PSMC3IP: variants seen among roughly 807,000 people sequenced by gnomAD.
The protein encoded by PSMC3IP is homologous-pairing protein 2 homolog.
A neutral mutation model predicts 34.9 loss-of-function variants in PSMC3IP; 26 were observed. The observed-to-expected ratio is 0.74, with a 90% CI of 0.55 to 1.03. The LOEUF is 1.03. Ranked by LOEUF, PSMC3IP falls within the 50% of genes least tolerant of loss-of-function variation. The pLI, the probability that PSMC3IP is intolerant of heterozygous loss-of-function variation, is 0.00. For synonymous variants in PSMC3IP, 87 were observed against 96.5 expected, an observed-to-expected ratio of 0.90 and a Z score of 0.57; for missense variants, 250 against 263.1, an observed-to-expected ratio of 0.95 and a Z score of 0.34.
rs1380170622 is a variant in PSMC3IP at position 42,572,605 on chromosome 17, C to T, written c.*363G>A. 1 of 452,320 alleles carries T rather than the reference C, an allele frequency of 2.2e-6. No homozygotes were observed. Among genetic ancestry groups the T allele is most frequent in the Non-Finnish European group, 4.4e-6 (1 of 225,858 alleles). 28.0% of individuals were successfully genotyped at this position (452,320 alleles called of 1,614,324 possible). On this transcript the variant is annotated 3_prime_UTR_variant, in exon 8 of 8. Transcript: ENST00000393795. ...TCTCTACCCTAGTTCTCCAAATTCA[C>T]TTCTGCCTTCCTCAGGTTTGATATC...
Position 42,577,522 on chromosome 17 carries a change from C to G in PSMC3IP, c.74G>C (p.Arg25Pro), listed in dbSNP as rs368227830. 63 of 1,614,024 alleles carry G rather than the reference C, an allele frequency of 3.9e-5. No homozygotes were observed. The highest frequency in any genetic ancestry group is 5.2e-5 in the Non-Finnish European group (61 of 1,180,036). ...GAACACATCCTGGGAGCTGTAGGGC[C>G]GGTTCTGCTCCTGCAGGTACCTCAG... ...ILLRYLQEQN[R>P]PYSSQDVFGN... The change falls in exon 2 of 8, where the codon CGG (arginine) becomes CCG (proline). Residue 25 changes from arginine to proline, a missense_variant. Physicochemically the swap from Arg to Pro is moderately radical, Grantham distance 103. Transcript: ENST00000393795.
intron 3 of PSMC3IP, among the ~76,000 whole-genome samples, chr17:42,575,526 G>A (rs1305797891): frequency 3.3e-5 from 5 of 152,174 alleles, no homozygotes; most frequent in Non-Finnish European, 7.3e-5. Context: ...GTAACACAAT[G>A]CAGCCTGTTT....
intron 6 of PSMC3IP, 54 bp from the exon 7 acceptor site, chr17:42,573,220 G>A (rs1227350615): frequency 3.7e-6 from 6 of 1,613,948 alleles, no homozygotes; most frequent in African/African-American, 1.3e-5. Flanking sequence ...GGCACTGCCT[G>A]TCAGTTTATG....
At chr17:42,577,609 C>T (rs768052507) in intron 1 of PSMC3IP, 44 bp downstream of exon 1, 2 of 1,614,174 alleles carry the variant, frequency 1.2e-6, no homozygotes, top group East Asian at 2.2e-5. Flanking sequence ...GACCTCCTCA[C>T]CCACTGCCCT....
At chr17:42,576,985 A>G (rs1416127381) in intron 3 of PSMC3IP, 9 of 1,057,538 alleles carry the variant, frequency 8.5e-6, no homozygotes, top group Non-Finnish European at 1.2e-5. Flanking sequence ...GCGGAAATGG[A>G]TCTTGGTAGC....
At position 42,573,110 on chromosome 17, in the gene PSMC3IP, G is replaced by T. The variant is rs1391331865; in HGVS notation, c.594C>A (p.Phe198Leu). Residue 198 changes from phenylalanine to leucine, a missense_variant, in exon 7 of 8, where the codon TTC becomes TTA. Coordinates refer to ENST00000393795, the MANE Select transcript of PSMC3IP (RefSeq NM_016556.4). ...GAAGGAAGAGAGCTCCACTTACAAAGAACTGCTTCTTGCTCTTGGGGTATC... is the reference window on the plus strand; with the variant it reads ...GAAGGAAGAGAGCTCCACTTACAAATAACTGCTTCTTGCTCTTGGGGTATC... ...LEGYPKSKKQ[F>L]FEEVGIETDE... The T allele has an allele frequency of 1.2e-6, 2 of 1,614,242 alleles. No homozygotes were observed. Among genetic ancestry groups the T allele is most frequent in the Non-Finnish European group, 1.7e-6 (2 of 1,180,030 alleles).
rs547696641 is a variant in PSMC3IP at position 42,575,297 on chromosome 17, CAT to C, written c.226-1089_226-1088del. Among the ~76,000 whole-genome samples, 574 of 152,306 alleles carry C rather than the reference CAT, an allele frequency of 3.8e-3. 5 individuals are homozygous for C. The highest frequency in any genetic ancestry group is 0.013 in the African/African-American group (557 of 41,562). The stretch of plus-strand genomic sequence containing the variant: ...CCAGCAAGCCAAATCCTGCCAGATG[CAT>C]GTTTTTGAAAACAAAATTTTATTGA... On this transcript the variant is annotated intron_variant, in intron 3 of 7. Coordinates refer to ENST00000393795, the MANE Select transcript of PSMC3IP (RefSeq NM_016556.4).
In PSMC3IP at chr17:42,572,821, T is replaced by C. The variant is rs764373882; in HGVS notation, c.*147A>G. On this transcript the variant is annotated 3_prime_UTR_variant, in exon 8 of 8. Transcript: ENST00000393795. ...CCCTCATCCTCTCTACCCAGTGCTC[T>C]GGTTTATGCTTGTCTCCTGACTGCT... The C allele has an allele frequency of 1.1e-6, 1 of 949,348 alleles. No homozygotes were observed. The highest frequency in any genetic ancestry group is 1.4e-5 in the South Asian group (1 of 73,180). The allele number at this position is 949,348 out of a possible 1,614,324, so 58.8% of individuals were successfully genotyped here. A position where few individuals can be genotyped will look rare whatever the true frequency, so the allele number is the denominator to read the frequency against.
At chr17:42,574,483 A>G in intron 3 of PSMC3IP, 1 of 946,760 alleles carries the variant, frequency 1.1e-6, no homozygotes, top group Non-Finnish European at 1.4e-6. Flanking sequence ...AAATCTTCCC[A>G]TTTAGTGATA....
At chr17:42,573,766 T>C (rs1012849651) in intron 4 of PSMC3IP, 143 bp from the exon 5 acceptor site, 5 of 1,496,532 alleles carry the variant, frequency 3.3e-6, no homozygotes, top group Non-Finnish European at 4.5e-6. Flanking sequence ...TTATTTATTC[T>C]TCTAATTTTC....
chr17:42,576,699 A>C (rs1487450388), intron 3 of PSMC3IP: 1 of 192,428 alleles, frequency 5.2e-6, no homozygotes, highest in African/African-American at 2.4e-5. Flanking sequence ...TAGTAAAGGA[A>C]GTCAAGAATT....
intron 3 of PSMC3IP, 104 bp from the exon 4 acceptor site, chr17:42,574,314 A>C: frequency 6.5e-7 from 1 of 1,542,606 alleles, no homozygotes; most frequent in Non-Finnish European, 8.8e-7. Flanking sequence ...AACCAGCCAC[A>C]CCCCAAAGTC....
intron 4 of PSMC3IP, 195 bp from the exon 5 acceptor site, chr17:42,573,818 C>G: frequency 6.5e-7 from 1 of 1,529,924 alleles, no homozygotes; most frequent in Non-Finnish European, 8.7e-7. Flanking sequence ...TGAGGTTGAA[C>G]ACTTACTTAG....
chr17:42,574,137 A>G lies in PSMC3IP; in HGVS notation c.299T>C (p.Val100Ala). ...DGKIVALTAKVQSLQQSCRYM... is the reference protein window; with the variant it reads ...DGKIVALTAKAQSLQQSCRYM... ...GCGGCAGCTCTGCTGCAAGCTCTGC[A>G]CCTTAGCAGTGAGGGCCACGATTTT... The change falls in exon 4 of 8, where the codon GTG becomes GCG. Residue 100 changes from valine (V) to alanine (A), a missense_variant. Coordinates refer to ENST00000393795, the MANE Select transcript of PSMC3IP (RefSeq NM_016556.4). 3 of 1,614,154 alleles carry G rather than the reference A, an allele frequency of 1.9e-6. No homozygotes were observed. The highest frequency in any genetic ancestry group is 2.5e-6 in the Non-Finnish European group (3 of 1,180,026).
intron 3 of PSMC3IP, chr17:42,576,634 TAAA>T (rs947531712): frequency 1.2e-4 from 22 of 182,368 alleles, no homozygotes; most frequent in African/African-American, 4.6e-4. Flanking sequence ...CCCATCTCTA[TAAA>T]AATTAAAAAA....
intron 7 of PSMC3IP, 35 bp from the exon 8 acceptor site, chr17:42,573,059 C>A: frequency 6.2e-7 from 1 of 1,614,156 alleles, no homozygotes; most frequent in Non-Finnish European, 8.5e-7. Flanking sequence ...TGAGATGTCA[C>A]CAGGATAAGA....
Position 42,573,304 on chromosome 17 carries a change from C to CACTT in PSMC3IP, c.537+3_537+6dup, listed in dbSNP as rs1567912293. 1.9e-6 allele frequency: 3 copies of CACTT among 1,614,154 alleles called. No homozygotes were observed. The highest frequency in any genetic ancestry group is 2.5e-6 in the Non-Finnish European group (3 of 1,180,032). ...CAGGGCCTGTCTCGGAGCTCCCACACACTTACCATCCTCTTCCTCTTCCTC... is the reference window on the plus strand; with the variant it reads ...CAGGGCCTGTCTCGGAGCTCCCACACACTTACTTACCATCCTCTTCCTCTTCCTC... On this transcript the variant is annotated splice_region_variant and intron_variant, in intron 6 of 7. Coordinates refer to ENST00000393795, the MANE Select transcript of PSMC3IP (RefSeq NM_016556.4).
intron 3 of PSMC3IP, 185 bp from the exon 4 acceptor site, chr17:42,574,395 T>C: frequency 7.2e-7 from 1 of 1,392,498 alleles, no homozygotes. Context: ...GCGGCCCCAC[T>C]AAAAAGGTAG....
intron 3 of PSMC3IP, chr17:42,576,949 AGAT>A (rs1251409685): frequency 2.6e-4 from 165 of 628,880 alleles, no homozygotes; most frequent in Non-Finnish European, 3.0e-4. Context: ...TTGCTAATGT[AGAT>A]GATAAGGAAT....
Sources: gnomAD v4.1 joint callset for allele counts (sites outside exome capture counted in the v4.1 genomes callset) on GRCh38, gnomAD v4.1.1 for gene constraint, MANE v1.5 for transcripts, NCBI Gene and HGNC (gene_info 2026-07-23, HGNC 2026-07-21) for gene names.